C14orf39: variants seen among roughly 807,000 people sequenced by gnomAD.
C14orf39 encodes chromosome 14 open reading frame 39.
A neutral mutation model predicts 85.6 loss-of-function variants in C14orf39; 66 were observed. The observed-to-expected ratio is 0.77, with a 90% CI of 0.63 to 0.95. C14orf39 has a LOEUF of 0.95. C14orf39 is among the 40% of genes least tolerant of loss of function. C14orf39 has a pLI of 0.00. For missense variants in C14orf39, 735 were observed against 663.9 expected (o/e 1.11, Z -1.18); for synonymous variants, 242 against 214.0 (o/e 1.13, Z -1.14).
In C14orf39 at chr14:60,484,857, T is replaced by C. The variant is rs374067090; in HGVS notation, c.106+24A>G. On this transcript the variant is annotated intron_variant, in intron 3 of 17. Transcript: ENST00000321731. The surrounding 1 kb of genome is among the most constrained non-coding windows in gnomAD (Gnocchi z 4.2). ...CATAAGGAATTAAAAGACTAAAATA[T>C]CTTGATCATGCAAAGCTACTTACTA... is the stretch of plus-strand genomic sequence containing the variant. 6.7e-7 allele frequency: 1 copy of C among 1,501,732 alleles called. No individual in the cohort carries two copies. Among genetic ancestry groups the C allele is most frequent in the African/African-American group, 1.4e-5 (1 of 71,382 alleles). The allele number at this position is 1,501,732 out of a possible 1,614,324, so 93.0% of individuals were successfully genotyped here.
Position 60,511,282 on chromosome 14 carries a change from T to C in C14orf39, c.-144+4113A>G, listed in dbSNP as rs763996716. The stretch of plus-strand genomic sequence containing the variant: ...CCCATCCAGGATGCTCAGAAGCAGA[T>C]TCCAGTGTAAAAACGAGAAAAACAA... On this transcript the variant is annotated intron_variant, in intron 1 of 5. Coordinates refer to the C14orf39 transcript ENST00000556799. 5.6e-6 allele frequency: 9 copies of C among 1,610,568 alleles called. 1 individual carries two copies. In the South Asian group the frequency reaches 9.9e-5, roughly 18 times the overall value.
chr14:60,482,833 T>C (rs930594576), intron 4 of C14orf39, among the ~76,000 whole-genome samples: 24 of 151,646 alleles, frequency 1.6e-4, no homozygotes, highest in African/African-American at 5.6e-4. Context: ...AGTTGCAGAA[T>C]GAAGTGAGTC....
intron 16 of C14orf39, among the ~76,000 whole-genome samples, chr14:60,443,522 G>T (rs1290872852): frequency 6.6e-6 from 1 of 152,224 alleles, no homozygotes; most frequent in Non-Finnish European, 1.5e-5. Context: ...CAGCCAGGAA[G>T]CTTGAACTGG....
At chr14:60,514,120 ATCT>A (rs1446000336) in intron 1 of C14orf39, among the ~76,000 whole-genome samples, 1 of 152,232 alleles carries the variant, frequency 6.6e-6, no homozygotes, top group Non-Finnish European at 1.5e-5. Context: ...ATTAGTCCAG[ATCT>A]TCACAGAGAT....
At chr14:60,505,558 A>G (rs1295482396) in intron 1 of C14orf39, among the ~76,000 whole-genome samples, 2 of 152,228 alleles carry the variant, frequency 1.3e-5, no homozygotes, top group Non-Finnish European at 2.9e-5. Flanking sequence ...AGGGAAACCA[A>G]GATCTCTTCC....
At chr14:60,489,297 G>T (rs1437806136), upstream of C14orf39, among the ~76,000 whole-genome samples, 5 of 152,278 alleles carry the variant, frequency 3.3e-5, no homozygotes, top group East Asian at 9.7e-4. Context: ...GGCAGATATG[G>T]ATTTAACTTC....
chr14:60,508,711 C>T (rs1030406316), intron 1 of C14orf39, among the ~76,000 whole-genome samples: 1 of 152,194 alleles, frequency 6.6e-6, no homozygotes, highest in Non-Finnish European at 1.5e-5. Context: ...CCTGCTCCCA[C>T]CGCAAGGTTT....
intron 7 of C14orf39, among the ~76,000 whole-genome samples, chr14:60,470,112 A>ACCAAAT (rs1892007326): frequency 6.6e-6 from 1 of 151,718 alleles, no homozygotes; most frequent in Admixed American, 6.6e-5. Context: ...AACAAAATCG[A>ACCAAAT]CCAAATTTCC....
intron 16 of C14orf39, among the ~76,000 whole-genome samples, chr14:60,448,400 C>T (rs551783916): frequency 1.3e-5 from 2 of 152,268 alleles, no homozygotes; most frequent in Middle Eastern, 6.8e-3. Flanking sequence ...CAAAAGCAGA[C>T]ATTTATGCAG....
At chr14:60,447,099 A>G (rs1028742111) in intron 16 of C14orf39, among the ~76,000 whole-genome samples, 2 of 152,286 alleles carry the variant, frequency 1.3e-5, no homozygotes, top group Non-Finnish European at 2.9e-5. Flanking sequence ...TATCATACTG[A>G]ATGGGCAAAA....
At chr14:60,460,799 G>A (rs573258979) in intron 13 of C14orf39, among the ~76,000 whole-genome samples, 5 of 151,332 alleles carry the variant, frequency 3.3e-5, no homozygotes, top group East Asian at 3.9e-4. Flanking sequence ...GTGATCCTTC[G>A]GTAACTTTAT....
At chr14:60,454,066 T>G (rs1043846053) in intron 16 of C14orf39, among the ~76,000 whole-genome samples, 11 of 151,868 alleles carry the variant, frequency 7.2e-5, no homozygotes, top group African/African-American at 2.7e-4. Context: ...CCTAGCATAC[T>G]CCTAGGAATT....
At chr14:60,510,790 A>G (rs1039845096) in intron 1 of C14orf39, among the ~76,000 whole-genome samples, 3 of 152,202 alleles carry the variant, frequency 2.0e-5, no homozygotes, top group Non-Finnish European at 4.4e-5. Context: ...AAATCTCCCA[A>G]AAGTGCACAA....
intron 4 of C14orf39, 131 bp downstream of exon 4, chr14:60,483,560 A>G: frequency 1.4e-6 from 1 of 701,552 alleles, no homozygotes; most frequent in Non-Finnish European, 2.2e-6. Context: ...ACATAGTGGC[A>G]TAACAAGGCA....
At chr14:60,498,544 G>A (rs1482135834) in intron 2 of C14orf39, among the ~76,000 whole-genome samples, 1 of 152,126 alleles carries the variant, frequency 6.6e-6, no homozygotes, top group Non-Finnish European at 1.5e-5. Flanking sequence ...AGGGAATTCA[G>A]TGGAAAAACT....
At chr14:60,511,906 T>C (rs1893299905) in intron 1 of C14orf39, 1 of 157,220 alleles carries the variant, frequency 6.4e-6, no homozygotes, top group African/African-American at 2.4e-5. Context: ...CCGGAAGGTC[T>C]TACCTATATA....
At position 60,466,015 on chromosome 14, in the gene C14orf39, G is replaced by T. The variant is rs755256494; in HGVS notation, c.936C>A (p.Ala312=). 1.2e-5 allele frequency: 18 copies of T among 1,564,970 alleles called. No homozygotes were observed. The East Asian group carries it at 4.0e-4, about 35-fold the overall frequency. ...TTTCTTTTTGTCTAAAGTCAATATT[G>T]GCAAGCTTTGACTGCTTCGCAGAAC... The part of the protein sequence containing the change: ...EESSAKQSKL[A]NIDFRQKEND... The change falls in exon 11 of 18, where the codon GCC becomes GCA. Residue 312 remains alanine, a synonymous_variant. Coordinates refer to ENST00000321731, the MANE Select transcript of C14orf39 (RefSeq NM_174978.3).
intron 16 of C14orf39, among the ~76,000 whole-genome samples, chr14:60,449,537 A>G (rs1890941409): frequency 6.6e-6 from 1 of 152,168 alleles, no homozygotes; most frequent in South Asian, 2.1e-4. Context: ...GGATGTTTGA[A>G]TATTTAGAAA....
At position 60,461,353 on chromosome 14, in the gene C14orf39, CCTTTAT is replaced by C; in HGVS notation, c.1112_1117del (p.Lys372_Asp373del). The stretch of plus-strand genomic sequence containing the variant: ...AGAAGAAAAATATAAACGGCAAATA[CCTTTAT>C]CCCCTTTTTCCGACCACTGATTGGA... On this transcript the variant is annotated inframe_deletion and splice_region_variant, in exon 13 of 18. Coordinates refer to ENST00000321731, the MANE Select transcript of C14orf39 (RefSeq NM_174978.3). 6.2e-7 allele frequency: 1 copy of C among 1,609,946 alleles called. No individual in the cohort carries two copies. The highest frequency in any genetic ancestry group is 1.7e-5 in the Admixed American group (1 of 59,830).
Sources: gnomAD v4.1 joint callset for allele counts (sites outside exome capture counted in the v4.1 genomes callset) on GRCh38, gnomAD v4.1.1 for gene constraint, Gnocchi (gnomAD v3.1) non-coding constraint, MANE v1.5 for transcripts, NCBI Gene and HGNC (gene_info 2026-07-23, HGNC 2026-07-21) for gene names.